NCAPD2: variants seen among roughly 807,000 people sequenced by gnomAD.
NCAPD2 encodes condensin complex subunit 1.
Under a neutral mutation model 164.5 loss-of-function variants are expected in NCAPD2, and 100 were observed. The ratio of observed to expected loss-of-function variants is 0.61; its 90% CI spans 0.52 to 0.72. The LOEUF (loss-of-function observed/expected upper bound fraction) is 0.72, where lower values mean the gene tolerates loss of function less well. Ranked by LOEUF, NCAPD2 falls within the 30% of genes least tolerant of loss-of-function variation. The pLI, the probability that NCAPD2 is intolerant of heterozygous loss-of-function variation, is 0.00. For missense variants in NCAPD2, 1,560 were observed against 1,749.2 expected (o/e 0.89, Z 1.93); for synonymous variants, 585 against 642.6 (o/e 0.91, Z 1.36).
chr12:6,523,997 G>T (rs1254389893), intron 17 of NCAPD2, among the ~76,000 whole-genome samples: 1 of 152,176 alleles, frequency 6.6e-6, no homozygotes, highest in Non-Finnish European at 1.5e-5. Context: ...GCCCTGTGAG[G>T]TAGCATTATC....
intron 6 of NCAPD2, among the ~76,000 whole-genome samples, chr12:6,513,578 C>T (rs1278637478): frequency 6.6e-6 from 1 of 151,964 alleles, no homozygotes; most frequent in Non-Finnish European, 1.5e-5. Context: ...TTCTTGTGTC[C>T]TGGAAGCGAG....
In NCAPD2 at chr12:6,526,287, C is replaced by T. The variant is rs1316607660; in HGVS notation, c.2482C>T (p.Pro828Ser). ...AIANISDRRK[P>S]SLGKRHPPFR... ...ACCCACGTTGTCTTGCTCTCCACAG[C>T]CTTCTCTGGGCAAACGTCACCCCCC... The change falls in exon 20 of 32, where the codon CCT (proline) becomes TCT (serine). Residue 828 changes from proline to serine, a missense_variant and splice_region_variant. Coordinates refer to ENST00000315579, the MANE Select transcript of NCAPD2 (RefSeq NM_014865.4). 6.2e-7 allele frequency: 1 copy of T among 1,614,182 alleles called. No homozygotes were observed. The highest frequency in any genetic ancestry group is 1.7e-5 in the Admixed American group (1 of 60,014).
chr12:6,525,476 G>T (rs1204874803), intron 17 of NCAPD2, 107 bp from the exon 18 acceptor site: 2 of 1,307,430 alleles, frequency 1.5e-6, no homozygotes, highest in East Asian at 2.3e-5. Context: ...CTCTTCCTAA[G>T]TATTACTTTT....
rs193271054 is a variant in NCAPD2, at chr12:6,519,609, T to C, written c.1590-1377T>C. On this transcript the variant is annotated intron_variant, in intron 13 of 31. Coordinates refer to ENST00000315579, the MANE Select transcript of NCAPD2 (RefSeq NM_014865.4). ...TAACATGTAGACAAGCAGTCAAACA[T>C]GTATTCTTTTTTTCCCCCTTTTATA... is the stretch of plus-strand genomic sequence containing the variant. Among the ~76,000 whole-genome samples the C allele has an allele frequency of 2.8e-3, 427 of 152,074 alleles. 3 individuals are homozygous for C. Among genetic ancestry groups the C allele is most frequent in the African/African-American group, 1.0e-2 (413 of 41,490 alleles).
intron 2 of NCAPD2, among the ~76,000 whole-genome samples, chr12:6,498,615 C>CT (rs34041906): frequency 0.18 from 26,868 of 148,160 alleles, 2,753 homozygotes; most frequent in Non-Finnish European, 0.25. Context: ...AACAACAATT[C>CT]TTTTTTTTTT....
intron 2 of NCAPD2, among the ~76,000 whole-genome samples, chr12:6,497,382 C>G (rs1454963212): frequency 6.6e-6 from 1 of 151,730 alleles, no homozygotes. Flanking sequence ...GTTTGCTGCA[C>G]CTATCAACCC....
chr12:6,526,825 C>G, intron 21 of NCAPD2, 66 bp from the exon 22 acceptor site: 1 of 1,527,354 alleles, frequency 6.5e-7, no homozygotes, highest in South Asian at 1.2e-5. Flanking sequence ...CAGTAAAAAT[C>G]GGATTCAGGT....
intron 27 of NCAPD2, chr12:6,529,276 T>A: frequency 1.6e-6 from 1 of 614,104 alleles, no homozygotes; most frequent in South Asian, 2.0e-5. Flanking sequence ...ACAGTAGCAC[T>A]CACTCCCTAG....
chr12:6,517,292 T>C, intron 10 of NCAPD2, 73 bp from the exon 11 acceptor site: 9 of 1,571,888 alleles, frequency 5.7e-6, no homozygotes, highest in Middle Eastern at 1.7e-4. Flanking sequence ...GTTTAGAGTA[T>C]ACTTAAAGAT....
rs2137063154 is a variant in NCAPD2, at chr12:6,530,673, C to T, written c.3838-18C>T. Reference sequence around the variant, plus strand: ...AACTGTTTTCAGGCCTGCTCTGAATCTCCTTTTCTCCCTCCAGGCTATAAT... The same window carrying T: ...AACTGTTTTCAGGCCTGCTCTGAATTTCCTTTTCTCCCTCCAGGCTATAAT... On this transcript the variant is annotated intron_variant, in intron 29 of 31. Transcript: ENST00000315579. 3 of 1,613,652 alleles carry T rather than the reference C, an allele frequency of 1.9e-6. No individual in the cohort carries two copies. In the East Asian group the frequency reaches 6.7e-5, roughly 36 times the overall value.
chr12:6,530,345 C>A (rs1946359708), intron 29 of NCAPD2, among the ~76,000 whole-genome samples: 1 of 152,204 alleles, frequency 6.6e-6, no homozygotes, highest in Non-Finnish European at 1.5e-5. Context: ...ACAGCTGAAC[C>A]TACACTTACA....
chr12:6,515,595 C>G (rs1565543068), intron 9 of NCAPD2, among the ~76,000 whole-genome samples: 1 of 152,212 alleles, frequency 6.6e-6, no homozygotes, highest in African/African-American at 2.4e-5. Context: ...TGTCATCTCT[C>G]TCAATTCTCT....
Position 6,521,098 on chromosome 12 carries a change from C to T in NCAPD2, c.1702C>T (p.Leu568Phe). 1.9e-6 allele frequency: 3 copies of T among 1,613,970 alleles called. No individual in the cohort carries two copies. The South Asian group carries it at 3.3e-5, about 18-fold the overall frequency. Residue 568 changes from leucine (L) to phenylalanine (F), a missense_variant, in exon 14 of 32, where the codon CTT becomes TTT. Coordinates refer to ENST00000315579, the MANE Select transcript of NCAPD2 (RefSeq NM_014865.4). Reference protein sequence around the residue: ...EETRLLNILGLIFKGPAASTQ... With the variant: ...EETRLLNILGFIFKGPAASTQ... Reference sequence around the variant, plus strand: ...GACCAGGCTCTTGAATATCTTAGGACTTATCTTCAAAGGTAATCATTTTCC... The same window carrying T: ...GACCAGGCTCTTGAATATCTTAGGATTTATCTTCAAAGGTAATCATTTTCC...
chr12:6,496,052 T>C (rs952014220), intron 2 of NCAPD2, among the ~76,000 whole-genome samples: 1 of 145,766 alleles, frequency 6.9e-6, no homozygotes, highest in African/African-American at 2.6e-5. Flanking sequence ...AACTTCTTTT[T>C]GTTTTTCTTT....
Position 6,531,566 on chromosome 12 carries a change from G to T in NCAPD2, c.*154G>T. ...CACGCCTGTAATCCCAGCACTTTGC[G>T]ATACCAAGGCGGGTGGATAACCTGA... On this transcript the variant is annotated 3_prime_UTR_variant, in exon 32 of 32. Coordinates refer to ENST00000315579, the MANE Select transcript of NCAPD2 (RefSeq NM_014865.4). This position sits in a 1 kb window ranked among gnomAD's most constrained non-coding sequence, Gnocchi z 4.1. 1 of 1,468,430 alleles carries T rather than the reference G, an allele frequency of 6.8e-7. No homozygotes were observed. The highest frequency in any genetic ancestry group is 9.1e-7 in the Non-Finnish European group (1 of 1,096,348). 91.0% of individuals were successfully genotyped at this position (1,468,430 alleles called of 1,614,324 possible).
intron 22 of NCAPD2, 43 bp from the exon 23 acceptor site, chr12:6,527,734 G>A: frequency 6.4e-7 from 1 of 1,555,222 alleles, no homozygotes. Flanking sequence ...AATCAAAAAT[G>A]TTGTCTCTGC....
rs756468272 is a variant in NCAPD2, at chr12:6,509,712, C to G, written c.128-5C>G. The G allele has an allele frequency of 6.2e-7, 1 of 1,613,666 alleles. No individual in the cohort carries two copies. The highest frequency in any genetic ancestry group is 2.2e-5 in the East Asian group (1 of 44,872). ...CAAATTGATTTGTTTTTTCCATCTT[C>G]ATAGCTTTTCAGGCTGCCTTTCGAG... On this transcript the variant is annotated splice_polypyrimidine_tract_variant and splice_region_variant and intron_variant, in intron 2 of 31. Coordinates refer to ENST00000315579, the MANE Select transcript of NCAPD2 (RefSeq NM_014865.4).
Position 6,503,720 on chromosome 12 carries a change from GA to G in NCAPD2, c.128-5996del, listed in dbSNP as rs1405107452. ...TGGGAGCCGGAGGTTGTAGTGAGCCGAGATCGTGCCACTGCACTTCAGCCTG... is the reference window on the plus strand; with the variant it reads ...TGGGAGCCGGAGGTTGTAGTGAGCCGGATCGTGCCACTGCACTTCAGCCTG... On this transcript the variant is annotated intron_variant, in intron 2 of 31. Transcript: ENST00000315579. Among the ~76,000 whole-genome samples the G allele has an allele frequency of 9.6e-4, 145 of 151,440 alleles. 1 individual carries two copies. Among genetic ancestry groups the G allele is most frequent in the African/African-American group, 3.3e-3 (137 of 41,202 alleles).
At chr12:6,523,450 T>C (rs996174188) in intron 17 of NCAPD2, 104 bp downstream of exon 17, 1 of 940,254 alleles carries the variant, frequency 1.1e-6, no homozygotes, top group Non-Finnish European at 1.6e-6. Flanking sequence ...CAGGCTGGAG[T>C]GCAATGGCAC....
Sources: gnomAD v4.1 joint callset for allele counts (sites outside exome capture counted in the v4.1 genomes callset) on GRCh38, gnomAD v4.1.1 for gene constraint, Gnocchi (gnomAD v3.1) non-coding constraint, MANE v1.5 for transcripts, NCBI Gene and HGNC (gene_info 2026-07-23, HGNC 2026-07-21) for gene names.